CNTNAP2: variants seen among roughly 807,000 people sequenced by gnomAD.
The protein encoded by CNTNAP2 is contactin-associated protein-like 2.
Under a neutral mutation model 155.2 loss-of-function variants are expected in CNTNAP2, and 98 were observed. That is an observed-to-expected ratio of 0.63 (90% CI 0.54 to 0.75). The LOEUF (loss-of-function observed/expected upper bound fraction) is 0.75. CNTNAP2 is among the 30% of genes least tolerant of loss of function. CNTNAP2 has a pLI of 0.00. For synonymous variants in CNTNAP2, 651 were observed against 631.2 expected (o/e 1.03, Z -0.47); for missense variants, 1,727 against 1,688.1 (o/e 1.02, Z -0.40).
At chr7:147,002,852 C>A (rs1191625516) in intron 3 of CNTNAP2, among the ~76,000 whole-genome samples, 1 of 150,404 alleles carries the variant, frequency 6.6e-6, no homozygotes, top group African/African-American at 2.4e-5. Context: ...ATAAACTCCC[C>A]ACCTCCCAGT....
chr7:147,056,966 G>A (rs181303322), intron 4 of CNTNAP2, among the ~76,000 whole-genome samples: 167 of 151,302 alleles, frequency 1.1e-3, no homozygotes, highest in Admixed American at 5.3e-3. Flanking sequence ...TTGTAGAGAT[G>A]GGGTTATTTT....
chr7:147,049,967 C>T (rs11983645), intron 4 of CNTNAP2, among the ~76,000 whole-genome samples: 76,982 of 151,982 alleles, frequency 0.51, 19,914 homozygotes, highest in East Asian at 0.63. Flanking sequence ...GGCCACTGCT[C>T]TGAAGCCTTT....
chr7:147,247,454 A>C (rs73459580), intron 8 of CNTNAP2, among the ~76,000 whole-genome samples: 3,488 of 152,192 alleles, frequency 0.023, 130 homozygotes, highest in African/African-American at 0.08. Context: ...GATTCCCATT[A>C]TTTCTTATCT....
chr7:147,691,230 C>A (rs1442377230), intron 13 of CNTNAP2, among the ~76,000 whole-genome samples: 2 of 152,046 alleles, frequency 1.3e-5, no homozygotes, highest in Non-Finnish European at 2.9e-5. Context: ...TTGTACTATT[C>A]TATATGTAAT....
intron 1 of CNTNAP2, among the ~76,000 whole-genome samples, chr7:146,726,387 G>T (rs1321613077): frequency 6.6e-6 from 1 of 152,092 alleles, no homozygotes; most frequent in Non-Finnish European, 1.5e-5. Flanking sequence ...ATTGGTAAGA[G>T]AACTATTTTT....
chr7:147,123,402 C>A (rs35197113), intron 6 of CNTNAP2, among the ~76,000 whole-genome samples: 1 of 152,188 alleles, frequency 6.6e-6, no homozygotes, highest in African/African-American at 2.4e-5. Flanking sequence ...GAGTGTGTGA[C>A]GAAGTCTATG....
chr7:148,017,852 C>T (rs180766558), intron 15 of CNTNAP2, among the ~76,000 whole-genome samples: 1 of 152,352 alleles, frequency 6.6e-6, no homozygotes, highest in Admixed American at 6.5e-5. Flanking sequence ...AACGTTGCTT[C>T]AGAACAGGTG....
intron 10 of CNTNAP2, among the ~76,000 whole-genome samples, chr7:147,468,417 G>A (rs1798157001): frequency 6.6e-6 from 1 of 152,082 alleles, no homozygotes; most frequent in Non-Finnish European, 1.5e-5. Flanking sequence ...TAACTATTGG[G>A]TTTCTCCAAG....
At chr7:146,683,160 A>G (rs1190847449) in intron 1 of CNTNAP2, among the ~76,000 whole-genome samples, 2 of 152,100 alleles carry the variant, frequency 1.3e-5, no homozygotes, top group Admixed American at 6.6e-5. Context: ...CAGCTTTGCC[A>G]GTAGCTGGGA....
chr7:146,813,334 C>G (rs1042094051), intron 2 of CNTNAP2, among the ~76,000 whole-genome samples: 2 of 152,214 alleles, frequency 1.3e-5, no homozygotes, highest in African/African-American at 4.8e-5. Context: ...AGGGGCGGAG[C>G]TCCTGAAGGT....
At chr7:146,770,169 T>G (rs1802267164) in intron 1 of CNTNAP2, among the ~76,000 whole-genome samples, 1 of 152,158 alleles carries the variant, frequency 6.6e-6, no homozygotes, top group African/African-American at 2.4e-5. Context: ...ATTACTCTTT[T>G]GTTGCTTCAT....
chr7:147,071,380 G>C (rs1860479), intron 4 of CNTNAP2, among the ~76,000 whole-genome samples: 91,435 of 151,114 alleles, frequency 0.61, 28,820 homozygotes, highest in East Asian at 0.74. Flanking sequence ...GGGAACAGCA[G>C]CAGGACTGCC....
At chr7:147,737,595 G>A (rs530019540) in intron 13 of CNTNAP2, among the ~76,000 whole-genome samples, 10 of 152,294 alleles carry the variant, frequency 6.6e-5, no homozygotes, top group African/African-American at 1.4e-4. Flanking sequence ...CCTTTTGTTC[G>A]GCTATGCCCT....
At chr7:146,506,373 C>T (rs553662863) in intron 1 of CNTNAP2, among the ~76,000 whole-genome samples, 1 of 152,322 alleles carries the variant, frequency 6.6e-6, no homozygotes. Context: ...GGCAGACCTC[C>T]CAGATATCTT....
intron 1 of CNTNAP2, among the ~76,000 whole-genome samples, chr7:146,405,270 C>A (rs764730370): frequency 2.6e-5 from 4 of 152,088 alleles, no homozygotes; most frequent in Non-Finnish European, 4.4e-5. Context: ...AGTTTGTTGA[C>A]TTGGGTCTCT....
At chr7:146,237,138 C>T (rs1799487796) in intron 1 of CNTNAP2, among the ~76,000 whole-genome samples, 1 of 152,120 alleles carries the variant, frequency 6.6e-6, no homozygotes, top group Non-Finnish European at 1.5e-5. Context: ...ACATAGCAGC[C>T]ATCCACATAG....
intron 1 of CNTNAP2, among the ~76,000 whole-genome samples, chr7:146,605,838 C>G (rs1799037858): frequency 6.6e-6 from 1 of 152,044 alleles, no homozygotes; most frequent in African/African-American, 2.4e-5. Context: ...GTCTCGAATG[C>G]TGTTGAAAAG....
At chr7:146,422,037 A>G (rs1176211631) in intron 1 of CNTNAP2, among the ~76,000 whole-genome samples, 5 of 151,610 alleles carry the variant, frequency 3.3e-5, no homozygotes, top group South Asian at 4.1e-4. Flanking sequence ...TCATTTCCAT[A>G]TGGGTAATTT....
intron 1 of CNTNAP2, among the ~76,000 whole-genome samples, chr7:146,402,707 C>G (rs1479242557): frequency 6.6e-6 from 1 of 151,958 alleles, no homozygotes; most frequent in African/African-American, 2.4e-5. Context: ...CCTATATAAA[C>G]ACAAAAATAA....
Sources: allele counts gnomAD v4.1 joint callset (sites outside exome capture counted in the v4.1 genomes callset), GRCh38; gene constraint gnomAD v4.1.1; transcripts MANE v1.5; gene names NCBI Gene and HGNC (gene_info 2026-07-23, HGNC 2026-07-21).